BTBD9: variants seen among roughly 807,000 people sequenced by gnomAD.
The protein encoded by BTBD9 is BTB/POZ domain-containing protein 9.
In BTBD9, 49 loss-of-function variants were observed where a neutral mutation model predicts 64.3. The observed-to-expected ratio is 0.76, with a 90% confidence interval of 0.61 to 0.97. BTBD9 has a LOEUF of 0.97. BTBD9 is among the 50% of genes least tolerant of loss of function. The pLI, the probability that BTBD9 is intolerant of heterozygous loss-of-function variation, is 0.00. For missense variants in BTBD9, 598 were observed against 762.1 expected, an observed-to-expected ratio of 0.78 and a Z score of 2.53; for synonymous variants, 260 against 274.7, an observed-to-expected ratio of 0.95 and a Z score of 0.53.
Position 38,396,423 on chromosome 6 carries a change from G to A in BTBD9, c.1155-51330C>T, listed in dbSNP as rs75199922. On this transcript the variant is annotated intron_variant, in intron 6 of 10. Transcript: ENST00000481247. ...GTGAACTTGGATAAAATGTCATACT[G>A]CTTTCTGAACAGTTGCCAAGCGGTT... Among the ~76,000 whole-genome samples the A allele has an allele frequency of 1.0e-3, 155 of 152,270 alleles. 4 individuals are homozygous for A. In the East Asian group the frequency reaches 0.017, roughly 16 times the overall value.
chr6:38,412,093 A>C (rs996426446), intron 6 of BTBD9, among the ~76,000 whole-genome samples: 2 of 152,142 alleles, frequency 1.3e-5, no homozygotes, highest in Non-Finnish European at 2.9e-5. Context: ...TCCAGATGCA[A>C]AAAGGAAAAA....
At chr6:38,320,601 G>A (rs1023511762) in intron 7 of BTBD9, among the ~76,000 whole-genome samples, 4 of 152,116 alleles carry the variant, frequency 2.6e-5, no homozygotes, top group East Asian at 1.9e-4. Flanking sequence ...CCTAGGCAAC[G>A]TCAAGGAAGC....
In BTBD9 at chr6:38,170,535, A is replaced by G. The variant is rs1001663244; in HGVS notation, c.*4450T>C. The G allele has an allele frequency of 1.3e-5, 2 of 152,182 alleles. No individual in the cohort carries two copies. The highest frequency in any genetic ancestry group is 4.8e-5 in the African/African-American group (2 of 41,406). 9.4% of individuals were successfully genotyped at this position (152,182 alleles called of 1,614,324 possible). ...GCGCCCTTCACCATTCACTCTGCAA[A>G]TGACCAGGGCCTCCAAATCCCGTCC... On this transcript the variant is annotated 3_prime_UTR_variant, in exon 11 of 11. Transcript: ENST00000481247.
chr6:38,222,135 G>C (rs2127508501), intron 9 of BTBD9, among the ~76,000 whole-genome samples: 1 of 152,036 alleles, frequency 6.6e-6, no homozygotes, highest in East Asian at 1.9e-4. Context: ...TCATGAATTG[G>C]GTATGTTTGA....
chr6:38,384,642 G>A (rs748603707), intron 6 of BTBD9, among the ~76,000 whole-genome samples: 6 of 152,232 alleles, frequency 3.9e-5, no homozygotes, highest in East Asian at 1.9e-4. Flanking sequence ...TCAGGCCTCA[G>A]AAGACTAGAA....
chr6:38,443,966 C>T (rs1769157809), intron 6 of BTBD9, among the ~76,000 whole-genome samples: 1 of 152,190 alleles, frequency 6.6e-6, no homozygotes, highest in East Asian at 1.9e-4. Context: ...TTTCCTGCCT[C>T]TACAGGCTGC....
chr6:38,545,837 A>AACACACACACAC (rs1233030307), intron 6 of BTBD9, among the ~76,000 whole-genome samples: 16 of 112,896 alleles, frequency 1.4e-4, no homozygotes, highest in East Asian at 3.2e-4. Context: ...TAATATTTAA[A>AACACACACACAC]ACACACACAC....
intron 9 of BTBD9, among the ~76,000 whole-genome samples, chr6:38,224,095 C>T (rs899960040): frequency 1.3e-5 from 2 of 152,118 alleles, no homozygotes; most frequent in Admixed American, 6.5e-5. Flanking sequence ...CACCTGTAGT[C>T]CCAGCTACTT....
At chr6:38,283,723 G>A (rs902957685) in intron 8 of BTBD9, among the ~76,000 whole-genome samples, 2 of 152,154 alleles carry the variant, frequency 1.3e-5, no homozygotes, top group African/African-American at 4.8e-5. Flanking sequence ...AGGGTTTCCA[G>A]GATTTCCAGA....
intron 1 of BTBD9, among the ~76,000 whole-genome samples, chr6:38,612,380 C>G (rs1268531899): frequency 2.0e-5 from 3 of 152,182 alleles, no homozygotes; most frequent in African/African-American, 7.2e-5. Flanking sequence ...GCAGTTAATA[C>G]CCAGATACCA....
intron 1 of BTBD9, among the ~76,000 whole-genome samples, chr6:38,609,168 C>T (rs1562415138): frequency 6.6e-6 from 1 of 152,170 alleles, no homozygotes; most frequent in Non-Finnish European, 1.5e-5. Flanking sequence ...AAAGAGTTTA[C>T]AGCCTGGGCA....
intron 6 of BTBD9, among the ~76,000 whole-genome samples, chr6:38,544,927 C>CAAAAAAAA (rs58694810): frequency 9.5e-4 from 46 of 48,292 alleles, no homozygotes; most frequent in Middle Eastern, 0.016. Context: ...AACTACATCT[C>CAAAAAAAA]AAAAAAAAAA....
intron 10 of BTBD9, 91 bp from the exon 11 acceptor site, chr6:38,175,273 T>C: frequency 7.3e-7 from 1 of 1,368,556 alleles, no homozygotes; most frequent in Non-Finnish European, 1.0e-6. Context: ...TGCCCAGCTT[T>C]GGGGGCCACC....
At chr6:38,499,758 G>A (rs1241562506) in intron 6 of BTBD9, among the ~76,000 whole-genome samples, 3 of 152,164 alleles carry the variant, frequency 2.0e-5, no homozygotes, top group African/African-American at 7.2e-5. Flanking sequence ...TTTGCTCACA[G>A]TATTCTGATA....
In BTBD9 at chr6:38,408,963, T is replaced by C. The variant is rs139606052; in HGVS notation, c.1155-63870A>G. On this transcript the variant is annotated intron_variant, in intron 6 of 10. Coordinates refer to ENST00000481247, the MANE Select transcript of BTBD9 (RefSeq NM_001099272.2). ...ATAGAAAAAGACCAAAGAGAAATAA[T>C]TGGTGGACAGGCGCAGTGACTCATG... is the stretch of plus-strand genomic sequence containing the variant. 5.6e-3 allele frequency among the ~76,000 whole-genome samples: 847 copies of C among 152,226 alleles called. 6 individuals are homozygous for C. Among genetic ancestry groups the C allele is most frequent in the African/African-American group, 0.017 (695 of 41,528 alleles).
chr6:38,377,445 T>G (rs191435954), intron 6 of BTBD9, among the ~76,000 whole-genome samples: 2 of 152,334 alleles, frequency 1.3e-5, no homozygotes, highest in African/African-American at 4.8e-5. Context: ...AGTATGCAAC[T>G]GTTACAGCTG....
At chr6:38,348,283 T>C (rs745603006) in intron 6 of BTBD9, among the ~76,000 whole-genome samples, 22 of 152,136 alleles carry the variant, frequency 1.4e-4, no homozygotes, top group African/African-American at 4.8e-4. Flanking sequence ...ACGGGAGAAG[T>C]AGGTATCACA....
intron 6 of BTBD9, among the ~76,000 whole-genome samples, chr6:38,463,995 G>A (rs946644207): frequency 7.2e-5 from 11 of 152,222 alleles, no homozygotes; most frequent in African/African-American, 2.4e-4. Context: ...TCCCACCACT[G>A]CACTCCAGCC....
chr6:38,175,304 C>G lies in BTBD9; in HGVS notation c.1642-122G>C. 4 of 988,502 alleles carry G rather than the reference C, an allele frequency of 4.0e-6. No homozygotes were observed. In the South Asian group the frequency reaches 6.0e-5, roughly 15 times the overall value. The allele number at this position is 988,502 out of a possible 1,614,324, so 61.2% of individuals were successfully genotyped here. A position where few individuals can be genotyped will look rare whatever the true frequency, so the allele number is the denominator to read the frequency against. Reference sequence around the variant, plus strand: ...CCACCACGAGGGAGTTAGAGGAGGTCCTTCCCACTGCCCACGCCTGCCCCG... The same window carrying G: ...CCACCACGAGGGAGTTAGAGGAGGTGCTTCCCACTGCCCACGCCTGCCCCG... On this transcript the variant is annotated intron_variant, in intron 10 of 10. Transcript: ENST00000481247.
Sources: gnomAD v4.1 joint callset for allele counts (sites outside exome capture counted in the v4.1 genomes callset) on GRCh38, gnomAD v4.1.1 for gene constraint, MANE v1.5 for transcripts, NCBI Gene and HGNC (gene_info 2026-07-23, HGNC 2026-07-21) for gene names.